The following TMEM117 variants were observed in gnomAD, a reference collection of about 807,000 sequenced individuals.
TMEM117 encodes the protein transmembrane protein 117.
A neutral mutation model predicts 52.4 loss-of-function variants in TMEM117; 27 were observed. That is an observed-to-expected ratio of 0.51 (90% CI 0.38 to 0.71). TMEM117 has a LOEUF of 0.71. Ranked by LOEUF, TMEM117 falls within the 30% of genes least tolerant of loss-of-function variation. TMEM117 has a pLI of 0.00. For synonymous variants in TMEM117, 215 were observed against 206.3 expected, an observed-to-expected ratio of 1.04 and a Z score of -0.36; for missense variants, 556 against 630.5, an observed-to-expected ratio of 0.88 and a Z score of 1.26.
At chr12:44,254,145 C>G (rs1234100944) in intron 5 of TMEM117, among the ~76,000 whole-genome samples, 1 of 151,710 alleles carries the variant, frequency 6.6e-6, no homozygotes, top group East Asian at 1.9e-4. Context: ...TAAAAGATTT[C>G]TAAGCCTAAA....
chr12:43,947,982 T>C (rs1475609226), intron 3 of TMEM117, among the ~76,000 whole-genome samples: 1 of 152,140 alleles, frequency 6.6e-6, no homozygotes, highest in African/African-American at 2.4e-5. Flanking sequence ...GATCTCTTAC[T>C]ATAGAGAAAA....
At chr12:44,064,875 A>G (rs1947198133) in intron 3 of TMEM117, among the ~76,000 whole-genome samples, 1 of 152,158 alleles carries the variant, frequency 6.6e-6, no homozygotes, top group African/African-American at 2.4e-5. Context: ...GATAATTGCT[A>G]GGAGTAGATT....
chr12:44,134,777 C>T (rs1948465202), intron 3 of TMEM117, among the ~76,000 whole-genome samples: 1 of 151,864 alleles, frequency 6.6e-6, no homozygotes, highest in African/African-American at 2.4e-5. Flanking sequence ...AGACTCTACC[C>T]TCTTTCCTGG....
At chr12:44,228,465 C>G (rs905185502) in intron 5 of TMEM117, among the ~76,000 whole-genome samples, 1 of 152,056 alleles carries the variant, frequency 6.6e-6, no homozygotes, top group African/African-American at 2.4e-5. Flanking sequence ...CTGTCAGGAC[C>G]TGCAGTTTAC....
At chr12:43,906,967 G>A (rs968757200) in intron 2 of TMEM117, among the ~76,000 whole-genome samples, 5 of 152,168 alleles carry the variant, frequency 3.3e-5, no homozygotes, top group Admixed American at 3.3e-4. Flanking sequence ...AAAGCAGCTG[G>A]GAAGCTTGAA....
At chr12:44,296,528 T>C (rs1269871649) in intron 5 of TMEM117, among the ~76,000 whole-genome samples, 1 of 152,154 alleles carries the variant, frequency 6.6e-6, no homozygotes, top group Non-Finnish European at 1.5e-5. Flanking sequence ...TCTGGGAGCA[T>C]GGATAAGCAT....
chr12:44,083,223 A>G (rs1385953522), intron 3 of TMEM117, among the ~76,000 whole-genome samples: 1 of 152,130 alleles, frequency 6.6e-6, no homozygotes, highest in Non-Finnish European at 1.5e-5. Context: ...GTTTATCCAA[A>G]TGTTCAACTT....
chr12:43,807,433 C>T, the TMEM117 span, among the ~76,000 whole-genome samples: 1 of 152,124 alleles, frequency 6.6e-6, no homozygotes, highest in Non-Finnish European at 1.5e-5. Context: ...TAAACTAAAT[C>T]TGAGTTTTAT....
intron 2 of TMEM117, among the ~76,000 whole-genome samples, chr12:43,874,640 C>CAT (rs1459687383): frequency 6.6e-6 from 1 of 152,132 alleles, no homozygotes; most frequent in Non-Finnish European, 1.5e-5. Context: ...GAGATAGCCT[C>CAT]ATATAGTCTA....
At chr12:43,977,804 T>C (rs1431143479) in intron 3 of TMEM117, among the ~76,000 whole-genome samples, 1 of 152,156 alleles carries the variant, frequency 6.6e-6, no homozygotes, top group African/African-American at 2.4e-5. Context: ...ATTACCAGTT[T>C]TAATTTTTGT....
At chr12:44,167,763 G>T (rs1414339444) in intron 4 of TMEM117, among the ~76,000 whole-genome samples, 3 of 152,122 alleles carry the variant, frequency 2.0e-5, no homozygotes, top group African/African-American at 7.2e-5. Context: ...TTGAGTCTTA[G>T]TTTCTTCCCT....
chr12:44,307,651 C>T (rs935480643), intron 6 of TMEM117, among the ~76,000 whole-genome samples: 1 of 152,150 alleles, frequency 6.6e-6, no homozygotes, highest in African/African-American at 2.4e-5. Context: ...AGCGGGGAGA[C>T]AGAGTGTTCA....
chr12:44,057,061 G>A (rs117891508), intron 3 of TMEM117, among the ~76,000 whole-genome samples: 214 of 152,288 alleles, frequency 1.4e-3, no homozygotes, highest in Non-Finnish European at 2.2e-3. Context: ...CCTTCGGAAA[G>A]AAACTGCCTT....
rs143892123 is a variant in TMEM117, at chr12:43,937,735, C to CT, written c.278-6466dup. On this transcript the variant is annotated intron_variant, in intron 2 of 7. Coordinates refer to ENST00000266534, the MANE Select transcript of TMEM117 (RefSeq NM_032256.3). ...TTATTTGTTCATTTATTTGTATAGC[C>CT]TTTTTTTTTAAAATCCACTGGACAA... 8.3e-3 allele frequency among the ~76,000 whole-genome samples: 1,251 copies of CT among 151,168 alleles called. 11 individuals are homozygous for CT. Among genetic ancestry groups the CT allele is most frequent in the African/African-American group, 0.027 (1,129 of 41,232 alleles).
intron 5 of TMEM117, among the ~76,000 whole-genome samples, chr12:44,242,284 C>G (rs960475260): frequency 6.6e-6 from 1 of 151,704 alleles, no homozygotes; most frequent in African/African-American, 2.4e-5. Context: ...ACTCCACATC[C>G]TCCTCCTACC....
chr12:44,082,261 T>G (rs567642670), intron 3 of TMEM117, among the ~76,000 whole-genome samples: 1 of 152,066 alleles, frequency 6.6e-6, no homozygotes, highest in East Asian at 1.9e-4. Context: ...ATTAAAAATT[T>G]TATGGATTTC....
intron 3 of TMEM117, among the ~76,000 whole-genome samples, chr12:44,138,953 G>C (rs945078105): frequency 6.6e-6 from 1 of 152,136 alleles, no homozygotes; most frequent in Non-Finnish European, 1.5e-5. Flanking sequence ...CTGGCATTTT[G>C]TAGTGACAAA....
rs11182388 is a variant in TMEM117 at position 44,028,176 on chromosome 12, G to C, written c.410+83834G>C. Among the ~76,000 whole-genome samples, 216 of 152,354 alleles carry C rather than the reference G, an allele frequency of 1.4e-3. 3 individuals carry two copies. The East Asian group carries it at 0.025, about 18-fold the overall frequency. ...CCACTGCACTCCAGCCTGGGTGACA[G>C]AGCGAGACTCCGTCTCAAAAACAAA... On this transcript the variant is annotated intron_variant, in intron 3 of 7. Transcript: ENST00000266534.
rs758476795 is a variant in TMEM117 at position 44,143,531 on chromosome 12, T to C, written c.417T>C (p.Tyr139=). ...ILLMDGNMGA[Y]IITDYMGIRN... is the part of the protein sequence containing the mutation. The stretch of plus-strand genomic sequence containing the variant: ...TGTGTGTTTGTTTCCACAGAGCATA[T>C]ATCATTACAGACTATATGGGCATCC... The change falls in exon 4 of 8, where the codon TAT becomes TAC. Residue 139 remains tyrosine, a synonymous_variant. Transcript: ENST00000266534. 9 of 1,612,542 alleles carry C rather than the reference T, an allele frequency of 5.6e-6. No individual in the cohort carries two copies. The Admixed American group carries it at 1.5e-4, about 27-fold the overall frequency.
Sources: gnomAD v4.1 joint callset for allele counts (sites outside exome capture counted in the v4.1 genomes callset) on GRCh38, gnomAD v4.1.1 for gene constraint, MANE v1.5 for transcripts, NCBI Gene and HGNC (gene_info 2026-07-23, HGNC 2026-07-21) for gene names.